The following PGF variants were observed in gnomAD, a reference collection of about 807,000 sequenced individuals.
PGF encodes placental growth factor, also known as placenta growth factor.
PGF carries 11 observed loss-of-function variants against 25.3 expected under a neutral mutation model. The observed-to-expected ratio is 0.43, with a 90% CI of 0.27 to 0.72. The LOEUF is 0.72. Ranked by LOEUF, PGF falls within the 30% of genes least tolerant of loss-of-function variation. PGF has a pLI of 0.18. For missense variants in PGF, 230 were observed against 234.9 expected (o/e 0.98, Z 0.14); for synonymous variants, 105 against 97.9 (o/e 1.07, Z -0.43).
intron 3 of PGF, among the ~76,000 whole-genome samples, chr14:74,949,140 T>A (rs1011428155): frequency 6.6e-6 from 1 of 152,162 alleles, no homozygotes; most frequent in Non-Finnish European, 1.5e-5. Context: ...AGTCTTGGGA[T>A]AGGACTCAGC....
rs1888954001 is a variant in PGF, at chr14:74,955,016, A to G, written c.75+152T>C. 2 of 170,338 alleles carry G rather than the reference A, an allele frequency of 1.2e-5. No homozygotes were observed. Among genetic ancestry groups the G allele is most frequent in the African/African-American group, 2.7e-5 (1 of 36,642 alleles). 10.6% of individuals were successfully genotyped at this position (170,338 alleles called of 1,614,324 possible). A position where few individuals can be genotyped will look rare whatever the true frequency, so the allele number is the denominator to read the frequency against. On this transcript the variant is annotated intron_variant, in intron 1 of 6. Coordinates refer to ENST00000555567, the MANE Select transcript of PGF (RefSeq NM_002632.6). The surrounding 1 kb of genome is among the most constrained non-coding windows in gnomAD (Gnocchi z 4.1). ...GACAGCCAGCCTGAGGTCTCTTCCC[A>G]AACGAAAGAAGTCCAGCCTGGCCTT... is the stretch of plus-strand genomic sequence containing the variant.
intron 2 of PGF, among the ~76,000 whole-genome samples, chr14:74,952,402 T>C (rs1204731966): frequency 6.6e-6 from 1 of 152,196 alleles, no homozygotes; most frequent in African/African-American, 2.4e-5. Context: ...GCCAGATCCA[T>C]GAGGAGTGTC....
rs760310450 is a variant in PGF, at chr14:74,942,665, A to G, written c.*41T>C. ...ACTGAAGAGTGTGACGGTAATAAAT[A>G]CACGAGCCGGGTGCGGGGTCTCTCT... On this transcript the variant is annotated 3_prime_UTR_variant, in exon 7 of 7. Transcript: ENST00000555567. 6.3e-7 allele frequency: 1 copy of G among 1,599,226 alleles called. No homozygotes were observed. The highest frequency in any genetic ancestry group is 8.6e-7 in the Non-Finnish European group (1 of 1,169,378).
At chr14:74,954,471 CTT>C (rs1453167220) in intron 1 of PGF, among the ~76,000 whole-genome samples, 1 of 152,168 alleles carries the variant, frequency 6.6e-6, no homozygotes, top group Non-Finnish European at 1.5e-5. Flanking sequence ...CACTCCTACT[CTT>C]GGGCTGGGGC....
intron 3 of PGF, 91 bp from the exon 4 acceptor site, chr14:74,948,674 C>CTA: frequency 1.3e-6 from 1 of 759,206 alleles, no homozygotes; most frequent in South Asian, 1.8e-5. Context: ...GAACCCGACT[C>CTA]TGTTTCCTGC....
intron 4 of PGF, chr14:74,948,032 T>C (rs1888779872): frequency 6.5e-6 from 1 of 153,720 alleles, no homozygotes; most frequent in East Asian, 1.9e-4. Flanking sequence ...TCACTCTTCT[T>C]CTGCCCCTTT....
Position 74,953,503 on chromosome 14 carries a change from G to T in PGF, c.118+401C>A, listed in dbSNP as rs2140410218. ...CACCAGGGCTGGGCTGCTGGGGAGGGCCCCTCACCCATTCCTGATCCTCTT... is the reference window on the plus strand; with the variant it reads ...CACCAGGGCTGGGCTGCTGGGGAGGTCCCCTCACCCATTCCTGATCCTCTT... On this transcript the variant is annotated intron_variant, in intron 2 of 6. Coordinates refer to ENST00000555567, the MANE Select transcript of PGF (RefSeq NM_002632.6). The surrounding 1 kb of genome is among the most constrained non-coding windows in gnomAD (Gnocchi z 5.4). 6.6e-6 allele frequency among the ~76,000 whole-genome samples: 1 copy of T among 152,210 alleles called. No individual in the cohort carries two copies. Among genetic ancestry groups the T allele is most frequent in the Non-Finnish European group, 1.5e-5 (1 of 67,996 alleles).
chr14:74,953,805 T>C lies in PGF; in HGVS notation c.118+99A>G. The stretch of plus-strand genomic sequence containing the variant: ...TCTAGCTTGTAGGCTCTCCCCAGCT[T>C]TTATCAACCTGCACCCACGCTTCAT... On this transcript the variant is annotated intron_variant, in intron 2 of 6. Coordinates refer to ENST00000555567, the MANE Select transcript of PGF (RefSeq NM_002632.6). The surrounding 1 kb of genome is among the most constrained non-coding windows in gnomAD (Gnocchi z 5.4). 1 of 1,246,086 alleles carries C rather than the reference T, an allele frequency of 8.0e-7. No homozygotes were observed. Among genetic ancestry groups the C allele is most frequent in the African/African-American group, 1.5e-5 (1 of 67,962 alleles). The allele number at this position is 1,246,086 out of a possible 1,614,324, so 77.2% of individuals were successfully genotyped here.
intron 6 of PGF, among the ~76,000 whole-genome samples, chr14:74,944,296 G>T (rs1177418537): frequency 2.0e-5 from 3 of 151,908 alleles, no homozygotes; most frequent in African/African-American, 7.2e-5. Context: ...TACAGATGGG[G>T]TTTCACCATG....
chr14:74,944,313 A>G (rs888784766), intron 6 of PGF, among the ~76,000 whole-genome samples: 13 of 151,986 alleles, frequency 8.6e-5, no homozygotes, highest in Non-Finnish European at 1.9e-4. Flanking sequence ...CATGTTAGCC[A>G]GGATGGTCTC....
At position 74,949,696 on chromosome 14, in the gene PGF, A is replaced by G. The variant is rs1272927360; in HGVS notation, c.119-143T>C. On this transcript the variant is annotated intron_variant, in intron 2 of 6. Transcript: ENST00000555567. ...CCCTCAACTCTGAACTCCTAATGTG[A>G]TCCCTCCGAAATGCCTGCGGGCCCC... 7.6e-6 allele frequency: 4 copies of G among 525,900 alleles called. No homozygotes were observed. The Admixed American group carries it at 1.1e-4, about 15-fold the overall frequency. The allele number at this position is 525,900 out of a possible 1,614,324, so 32.6% of individuals were successfully genotyped here.
At chr14:74,952,435 G>A (rs1417725740) in intron 2 of PGF, among the ~76,000 whole-genome samples, 3 of 152,208 alleles carry the variant, frequency 2.0e-5, no homozygotes, top group Non-Finnish European at 4.4e-5. Flanking sequence ...CGACCCCCAG[G>A]GCCTCTCTGA....
chr14:74,951,346 C>T (rs1888867351), intron 2 of PGF, among the ~76,000 whole-genome samples: 1 of 152,228 alleles, frequency 6.6e-6, no homozygotes, highest in African/African-American at 2.4e-5. Context: ...GCAGGGAAGC[C>T]TGCCTTTGCA....
At chr14:74,943,327 G>T (rs1229615255) in intron 6 of PGF, among the ~76,000 whole-genome samples, 1 of 152,194 alleles carries the variant, frequency 6.6e-6, no homozygotes, top group Non-Finnish European at 1.5e-5. Context: ...TTGCTGCCAG[G>T]TAAAAGTATT....
At chr14:74,948,450 A>G in intron 4 of PGF, 57 bp downstream of exon 4, 3 of 1,090,880 alleles carry the variant, frequency 2.8e-6, no homozygotes, top group Non-Finnish European at 4.1e-6. Context: ...ATCTTTGCTG[A>G]GGCTGCCAAG....
chr14:74,944,187 C>T (rs1888666873), intron 6 of PGF, among the ~76,000 whole-genome samples: 2 of 144,204 alleles, frequency 1.4e-5, no homozygotes, highest in South Asian at 4.3e-4. Context: ...ACTGCAAGTT[C>T]CGCCTCCCGG....
rs1397020266 is a variant in PGF, at chr14:74,953,024, G to A, written c.118+880C>T. ...TGTGCTGGTTCCAGAGGCACAGCAA[G>A]GGAGGCATCCATGAGGTCAAGGGCA... On this transcript the variant is annotated intron_variant, in intron 2 of 6. Coordinates refer to ENST00000555567, the MANE Select transcript of PGF (RefSeq NM_002632.6). This position sits in a 1 kb window ranked among gnomAD's most constrained non-coding sequence, Gnocchi z 5.4. Among the ~76,000 whole-genome samples, 1 of 152,238 alleles carries A rather than the reference G, an allele frequency of 6.6e-6. No individual in the cohort carries two copies. Among genetic ancestry groups the A allele is most frequent in the Non-Finnish European group, 1.5e-5 (1 of 68,042 alleles).
In PGF at chr14:74,950,309, C is replaced by T. The variant is rs1888844670; in HGVS notation, c.119-756G>A. 6.6e-6 allele frequency among the ~76,000 whole-genome samples: 1 copy of T among 152,246 alleles called. No individual in the cohort carries two copies. Among genetic ancestry groups the T allele is most frequent in the Non-Finnish European group, 1.5e-5 (1 of 68,048 alleles). ...GAGCCTCCCTTGAGCACTGCTTGGC[C>T]TCTGGCCTCAAGGGGTTGCCTTATC... On this transcript the variant is annotated intron_variant, in intron 2 of 6. Coordinates refer to ENST00000555567, the MANE Select transcript of PGF (RefSeq NM_002632.6). This position sits in a 1 kb window ranked among gnomAD's most constrained non-coding sequence, Gnocchi z 4.1.
chr14:74,949,847 C>T (rs959621932), intron 2 of PGF, among the ~76,000 whole-genome samples: 2 of 152,216 alleles, frequency 1.3e-5, no homozygotes, highest in Non-Finnish European at 2.9e-5. Context: ...ATTGTAGCCC[C>T]GGCAGCTACC....
Sources: gnomAD v4.1 joint callset for allele counts (sites outside exome capture counted in the v4.1 genomes callset) on GRCh38, gnomAD v4.1.1 for gene constraint, Gnocchi (gnomAD v3.1) non-coding constraint, MANE v1.5 for transcripts, NCBI Gene and HGNC (gene_info 2026-07-23, HGNC 2026-07-21) for gene names.